Variants in FEZF1 observed in about 807,000 individuals in gnomAD.
FEZF1 encodes the protein FEZ family zinc finger 1.
In FEZF1, 8 loss-of-function variants were observed where a neutral mutation model predicts 32.4. The observed-to-expected ratio is 0.25, with a 90% CI of 0.15 to 0.45. The LOEUF (loss-of-function observed/expected upper bound fraction) is 0.45, where lower values mean the gene tolerates loss of function less well. Ranked by LOEUF, FEZF1 falls within the 20% of genes least tolerant of loss-of-function variation. FEZF1 has a pLI of 1.00. For synonymous variants in FEZF1, 259 were observed against 265.2 expected (o/e 0.98, Z 0.23); for missense variants, 546 against 622.3 (o/e 0.88, Z 1.31).
At position 122,302,418 on chromosome 7, in the gene FEZF1, C is replaced by G. The variant is rs944026636; in HGVS notation, c.1070-63G>C. The G allele has an allele frequency of 6.2e-7, 1 of 1,603,038 alleles. No homozygotes were observed. On this transcript the variant is annotated intron_variant, in intron 3 of 3. Coordinates refer to ENST00000442488, the MANE Select transcript of FEZF1 (RefSeq NM_001024613.4). This position sits in a 1 kb window ranked among gnomAD's most constrained non-coding sequence, Gnocchi z 4.4. ...AAAAAATAGCTTAAAAAGGGAGGAG[C>G]AGACACGTGGAAGGTAGCGCCAGGC...
At position 122,303,524 on chromosome 7, in the gene FEZF1, A is replaced by AGGGAG. The variant is rs2031131408; in HGVS notation, c.801+112_801+113insCTCCC. On this transcript the variant is annotated intron_variant, in intron 1 of 3. Transcript: ENST00000442488. ...AAGGAAGGAAGGAAGGAAGGAAGGA[A>AGGGAG]GGAAGGAAGGAAGGAGGGAGGGAAG... 18 of 434,314 alleles carry AGGGAG rather than the reference A, an allele frequency of 4.1e-5. No homozygotes were observed. The African/African-American group carries it at 5.1e-4, about 12-fold the overall frequency. The allele number at this position is 434,314 out of a possible 1,614,324, so 26.9% of individuals were successfully genotyped here.
Position 122,302,162 on chromosome 7 carries a change from C to T in FEZF1, c.1263G>A (p.Lys421=), listed in dbSNP as rs2031066512. 6.2e-7 allele frequency: 1 copy of T among 1,614,242 alleles called. No individual in the cohort carries two copies. The highest frequency in any genetic ancestry group is 8.5e-7 in the Non-Finnish European group (1 of 1,180,052). Residue 421 remains lysine (K), a synonymous_variant, in exon 4 of 4, where the codon AAG becomes AAA. Transcript: ENST00000442488. The surrounding 1 kb of genome is among the most constrained non-coding windows in gnomAD (Gnocchi z 4.4). ...RNFDLKKHVR[K]LHDSSLGLAR... ...CCAGCCCCAGGCTGCTGTCGTGCAG[C>T]TTGCGGACATGCTTCTTGAGGTCAA...
At chr7:122,310,239 G>T (rs1484588945) in exon 1 of FEZF1, 1 of 152,154 alleles carries the variant, frequency 6.6e-6, no homozygotes, top group Admixed American at 6.5e-5. Context: ...GCGCCGACCC[G>T]CTGGCCTTGG....
chr7:122,307,643 A>G (rs1393058117), upstream of FEZF1, among the ~76,000 whole-genome samples: 4 of 152,262 alleles, frequency 2.6e-5, no homozygotes, highest in Non-Finnish European at 5.9e-5. Flanking sequence ...TGTATAGTTT[A>G]TATTTCAACA....
rs563579586 is a variant in FEZF1, at chr7:122,303,009, A to G, written c.937-78T>C. 42 of 1,538,918 alleles carry G rather than the reference A, an allele frequency of 2.7e-5. No homozygotes were observed. In the South Asian group the frequency reaches 4.1e-4, roughly 15 times the overall value. Reference sequence around the variant, plus strand: ...AAGTTCTGCAAGCTCAAAACACAGTAATGCTTAAACACTTTCAAGCAGAAC... The same window carrying G: ...AAGTTCTGCAAGCTCAAAACACAGTGATGCTTAAACACTTTCAAGCAGAAC... On this transcript the variant is annotated intron_variant, in intron 2 of 3. Coordinates refer to ENST00000442488, the MANE Select transcript of FEZF1 (RefSeq NM_001024613.4).
chr7:122,304,175 G>A lies in FEZF1; in HGVS notation c.263C>T (p.Ala88Val), dbSNP rs893917390. ...CCGCGGCTCGGAGCCCGTCACTCCTGCCTTGGGGCTCGTGTCGTAGGCCAC... is the reference window on the plus strand; with the variant it reads ...CCGCGGCTCGGAGCCCGTCACTCCTACCTTGGGGCTCGTGTCGTAGGCCAC... ...VPVAYDTSPK[A>V]GVTGSEPRKA... The change falls in exon 1 of 4, where the codon GCA (alanine) becomes GTA (valine). Residue 88 changes from alanine to valine, a missense_variant. Transcript: ENST00000442488. 1.4e-5 allele frequency: 23 copies of A among 1,600,586 alleles called. No individual in the cohort carries two copies. Among genetic ancestry groups the A allele is most frequent in the Non-Finnish European group, 3.4e-6 (4 of 1,171,702 alleles).
rs537852878 is a variant in FEZF1, at chr7:122,301,709, T to C, written c.*288A>G. On this transcript the variant is annotated 3_prime_UTR_variant, in exon 4 of 4. Transcript: ENST00000442488. Reference sequence around the variant, plus strand: ...ATAAACACCATCTCTCCACCCAAGATGAAAAGTCTTTCCAAATTAAAAAAA... The same window carrying C: ...ATAAACACCATCTCTCCACCCAAGACGAAAAGTCTTTCCAAATTAAAAAAA... The C allele has an allele frequency of 2.7e-6, 1 of 376,000 alleles. No homozygotes were observed. The highest frequency in any genetic ancestry group is 1.1e-4 in the South Asian group (1 of 9,264). The allele number at this position is 376,000 out of a possible 1,614,324, so 23.3% of individuals were successfully genotyped here.
chr7:122,303,499 AAGGAAGGAAGGAAGGAAGGAAGGAAG>A, intron 1 of FEZF1, 112 bp downstream of exon 1: 1 of 501,790 alleles, frequency 2.0e-6, no homozygotes, highest in Non-Finnish European at 3.4e-6. Context: ...GGAAGGAAGG[AAGGAAGGAAGGAAGGAAGGAAGGAAG>A]GAAGGAAGGA....
intron 1 of FEZF1, 25 bp from the exon 2 acceptor site, chr7:122,303,336 A>T: frequency 6.2e-7 from 1 of 1,612,462 alleles, no homozygotes; most frequent in Non-Finnish European, 8.5e-7. Flanking sequence ...CACGTAGAAC[A>T]GGTTAGCCGC....
At position 122,304,716 on chromosome 7, in the gene FEZF1, G is replaced by A. The variant is rs2150617027; in HGVS notation, c.-279C>T. ...GTGTCAATAACGCAGCCAAGATCTCGCCAATCGTTAACTTCCAAGAGGAGA... is the reference window on the plus strand; with the variant it reads ...GTGTCAATAACGCAGCCAAGATCTCACCAATCGTTAACTTCCAAGAGGAGA... On this transcript the variant is annotated 5_prime_UTR_variant, in exon 1 of 4. Coordinates refer to ENST00000442488, the MANE Select transcript of FEZF1 (RefSeq NM_001024613.4). The A allele has an allele frequency of 5.1e-6, 2 of 393,060 alleles. No homozygotes were observed. The highest frequency in any genetic ancestry group is 3.7e-5 in the Admixed American group (1 of 27,312). The allele number at this position is 393,060 out of a possible 1,614,324, so 24.3% of individuals were successfully genotyped here.
upstream of FEZF1, among the ~76,000 whole-genome samples, chr7:122,309,398 T>A (rs1234995565): frequency 6.6e-6 from 1 of 152,210 alleles, no homozygotes; most frequent in Non-Finnish European, 1.5e-5. Flanking sequence ...GGATTTCATT[T>A]AAACCCAGTG....
chr7:122,303,615 C>A lies in FEZF1; in HGVS notation c.801+22G>T, dbSNP rs778531707. On this transcript the variant is annotated intron_variant, in intron 1 of 3. Coordinates refer to ENST00000442488, the MANE Select transcript of FEZF1 (RefSeq NM_001024613.4). Reference sequence around the variant, plus strand: ...GAAGGAAGGGAGGGAAGGAAAGGATCTCCGTTTTGCATTGTACTTGCCTTT... The same window carrying A: ...GAAGGAAGGGAGGGAAGGAAAGGATATCCGTTTTGCATTGTACTTGCCTTT... 5.0e-6 allele frequency: 8 copies of A among 1,592,560 alleles called. No individual in the cohort carries two copies. In the African/African-American group the frequency reaches 9.5e-5, roughly 19 times the overall value.
chr7:122,309,287 AG>A (rs2031363668), upstream of FEZF1, among the ~76,000 whole-genome samples: 1 of 152,236 alleles, frequency 6.6e-6, no homozygotes, highest in Non-Finnish European at 1.5e-5. Context: ...AAATGTGGGA[AG>A]GGTTGATTAA....
chr7:122,304,360 G>C lies in FEZF1; in HGVS notation c.78C>G (p.Ser26=), dbSNP rs775446596. 3 of 1,607,354 alleles carry C rather than the reference G, an allele frequency of 1.9e-6. No homozygotes were observed. Among genetic ancestry groups the C allele is most frequent in the South Asian group, 2.2e-5 (2 of 90,654 alleles). Residue 26 remains serine (S), a synonymous_variant, in exon 1 of 4, where the codon TCC becomes TCG. Transcript: ENST00000442488. ...APARGNMMST[S]KPLAFSIERI... ...GTTCAATGGAGAAAGCCAAGGGTTT[G>C]GACGTGCTCATCATGTTGCCCCGAG...
rs1442690033 is a variant in FEZF1, at chr7:122,303,617, C to T, written c.801+20G>A. The T allele has an allele frequency of 1.3e-6, 2 of 1,597,008 alleles. No homozygotes were observed. Among genetic ancestry groups the T allele is most frequent in the East Asian group, 2.2e-5 (1 of 44,554 alleles). ...AGGAAGGGAGGGAAGGAAAGGATCT[C>T]CGTTTTGCATTGTACTTGCCTTTCC... is the stretch of plus-strand genomic sequence containing the variant. On this transcript the variant is annotated intron_variant, in intron 1 of 3. Coordinates refer to ENST00000442488, the MANE Select transcript of FEZF1 (RefSeq NM_001024613.4).
chr7:122,301,727 T>A lies in FEZF1; in HGVS notation c.*270A>T. 2.6e-6 allele frequency: 1 copy of A among 388,708 alleles called. No individual in the cohort carries two copies. The highest frequency in any genetic ancestry group is 3.9e-5 in the East Asian group (1 of 25,422). 24.1% of individuals were successfully genotyped at this position (388,708 alleles called of 1,614,324 possible). On this transcript the variant is annotated 3_prime_UTR_variant, in exon 4 of 4. Transcript: ENST00000442488. ...CCCAAGATGAAAAGTCTTTCCAAATTAAAAAAAAAGAAAAAGAAAAACAGA... is the reference window on the plus strand; with the variant it reads ...CCCAAGATGAAAAGTCTTTCCAAATAAAAAAAAAAGAAAAAGAAAAACAGA...
rs754731624 is a variant in FEZF1, at chr7:122,304,086, T to A, written c.352A>T (p.Ser118Cys). 1 of 1,570,734 alleles carries A rather than the reference T, an allele frequency of 6.4e-7. No homozygotes were observed. The highest frequency in any genetic ancestry group is 8.6e-7 in the Non-Finnish European group (1 of 1,159,620). The change falls in exon 1 of 4, where the codon AGC becomes TGC. Residue 118 changes from serine to cysteine, a missense_variant. Coordinates refer to ENST00000442488, the MANE Select transcript of FEZF1 (RefSeq NM_001024613.4). ...CTCAGTGCGCAGTTGAGCAGGTCGCTGCAGCTGAATGCGGGAGCCGAGGGC... is the reference window on the plus strand; with the variant it reads ...CTCAGTGCGCAGTTGAGCAGGTCGCAGCAGCTGAATGCGGGAGCCGAGGGC... ...AVPSAPAFSCSDLLNCALSLK... is the reference protein window; with the variant it reads ...AVPSAPAFSCCDLLNCALSLK...
Position 122,302,128 on chromosome 7 carries a change from G to T in FEZF1, c.1297C>A (p.Pro433Thr). 6.2e-7 allele frequency: 1 copy of T among 1,614,026 alleles called. No individual in the cohort carries two copies. Among genetic ancestry groups the T allele is most frequent in the Non-Finnish European group, 8.5e-7 (1 of 1,179,966 alleles). ...GGTTCAGTGCCTGGTTCGCCAGCTG[G>T]CGTGCGGGCCAGCCCCAGGCTGCTG... ...HDSSLGLART[P>T]AGEPGTEPPP... The change falls in exon 4 of 4, where the codon CCA becomes ACA. Residue 433 changes from proline to threonine, a missense_variant. Transcript: ENST00000442488. This position sits in a 1 kb window ranked among gnomAD's most constrained non-coding sequence, Gnocchi z 4.4.
At chr7:122,303,032 A>C (rs2031101795) in intron 2 of FEZF1, 101 bp from the exon 3 acceptor site, 2 of 1,515,872 alleles carry the variant, frequency 1.3e-6, no homozygotes, top group Middle Eastern at 1.8e-4. Flanking sequence ...TTTCAAGCAG[A>C]ACAAAAGCAA....
Sources: gnomAD v4.1 joint callset for allele counts (sites outside exome capture counted in the v4.1 genomes callset) on GRCh38, gnomAD v4.1.1 for gene constraint, Gnocchi (gnomAD v3.1) non-coding constraint, MANE v1.5 for transcripts, NCBI Gene and HGNC (gene_info 2026-07-23, HGNC 2026-07-21) for gene names.